PDZD8: variants seen among roughly 807,000 people sequenced by gnomAD.
PDZD8 encodes the protein PDZ domain containing 8, also known as PDZ domain-containing protein 8.
In PDZD8, 14 loss-of-function variants were observed where a neutral mutation model predicts 85.8. That is an observed-to-expected ratio of 0.16 (90% CI 0.11 to 0.26). The LOEUF (loss-of-function observed/expected upper bound fraction) is 0.26, where lower values mean the gene tolerates loss of function less well. Among genes scored for constraint, PDZD8 ranks in the 10% least tolerant of loss-of-function variants. The pLI, the probability that PDZD8 is intolerant of heterozygous loss-of-function variation, is 1.00. For synonymous variants in PDZD8, 592 were observed against 568.6 expected, an observed-to-expected ratio of 1.04 and a Z score of -0.59; for missense variants, 1,197 against 1,424.3, an observed-to-expected ratio of 0.84 and a Z score of 2.57.
intron 3 of PDZD8, among the ~76,000 whole-genome samples, chr10:117,316,968 C>A (rs973172833): frequency 5.3e-5 from 8 of 152,088 alleles, no homozygotes; most frequent in Admixed American, 2.0e-4. Flanking sequence ...TAGACCACAC[C>A]CTTTTTCTTG....
intron 3 of PDZD8, among the ~76,000 whole-genome samples, chr10:117,311,635 C>T (rs1490168452): frequency 6.6e-6 from 1 of 151,916 alleles, no homozygotes; most frequent in East Asian, 1.9e-4. Flanking sequence ...GAAAGGTTTC[C>T]AGAGGAAATG....
chr10:117,302,125 T>C (rs548752852), intron 3 of PDZD8, among the ~76,000 whole-genome samples: 16 of 152,298 alleles, frequency 1.1e-4, no homozygotes, highest in Admixed American at 7.2e-4. Flanking sequence ...CTGGTATCAA[T>C]CTAATTTACT....
intron 2 of PDZD8, among the ~76,000 whole-genome samples, chr10:117,333,451 A>C (rs1056811576): frequency 8.5e-5 from 13 of 152,230 alleles, no homozygotes; most frequent in African/African-American, 3.1e-4. Context: ...ATTAAAATAA[A>C]GGCAGGTAAT....
At chr10:117,286,913 C>T (rs868244370) in intron 4 of PDZD8, among the ~76,000 whole-genome samples, 2 of 152,188 alleles carry the variant, frequency 1.3e-5, no homozygotes, top group East Asian at 3.9e-4. Flanking sequence ...TTCAGGGCTG[C>T]TTAGCATTCT....
chr10:117,321,400 T>C (rs1844223272), intron 2 of PDZD8, among the ~76,000 whole-genome samples: 1 of 152,158 alleles, frequency 6.6e-6, no homozygotes, highest in Admixed American at 6.5e-5. Flanking sequence ...AAAGACTACA[T>C]ATTGTATGAT....
chr10:117,322,947 T>C (rs994517148), intron 2 of PDZD8, among the ~76,000 whole-genome samples: 1 of 152,208 alleles, frequency 6.6e-6, no homozygotes, highest in African/African-American at 2.4e-5. Context: ...ATCTTGGCTC[T>C]GGGAGACCCA....
At chr10:117,320,521 C>CT (rs1181050695) in intron 2 of PDZD8, among the ~76,000 whole-genome samples, 1 of 151,932 alleles carries the variant, frequency 6.6e-6, no homozygotes, top group Non-Finnish European at 1.5e-5. Flanking sequence ...CAAAAATTAA[C>CT]TCAAAAGTTT....
Position 117,291,447 on chromosome 10 carries a change from T to C in PDZD8, c.1099-1099A>G, listed in dbSNP as rs1844762375. Among the ~76,000 whole-genome samples, 4 of 150,942 alleles carry C rather than the reference T, an allele frequency of 2.7e-5. No individual in the cohort carries two copies. In the South Asian group the frequency reaches 8.3e-4, roughly 31 times the overall value. On this transcript the variant is annotated intron_variant, in intron 3 of 4. Coordinates refer to ENST00000334464, the MANE Select transcript of PDZD8 (RefSeq NM_173791.5). Reference sequence around the variant, plus strand: ...GGGAGCCTGAGGCAGGAGAATGGCATGAACCCGGGAGGCAGAGGTTGAAGT... The same window carrying C: ...GGGAGCCTGAGGCAGGAGAATGGCACGAACCCGGGAGGCAGAGGTTGAAGT...
At chr10:117,348,553 G>A (rs919278652) in intron 1 of PDZD8, among the ~76,000 whole-genome samples, 3 of 152,194 alleles carry the variant, frequency 2.0e-5, no homozygotes, top group Non-Finnish European at 4.4e-5. Context: ...GGGTTTTGGT[G>A]AGGCCTTTCT....
chr10:117,299,813 G>A (rs913783565), intron 3 of PDZD8, among the ~76,000 whole-genome samples: 1 of 151,870 alleles, frequency 6.6e-6, no homozygotes, highest in Non-Finnish European at 1.5e-5. Context: ...TCTTTATCTG[G>A]AATTCAGAGA....
intron 2 of PDZD8, among the ~76,000 whole-genome samples, chr10:117,337,194 G>C (rs2133840338): frequency 6.6e-6 from 1 of 151,848 alleles, no homozygotes; most frequent in South Asian, 2.1e-4. Context: ...TATATCTTCT[G>C]CTTAAGTATA....
chr10:117,367,237 C>T lies in PDZD8; in HGVS notation c.872+7119G>A, dbSNP rs184904071. On this transcript the variant is annotated intron_variant, in intron 1 of 4. Coordinates refer to ENST00000334464, the MANE Select transcript of PDZD8 (RefSeq NM_173791.5). ...ACCAGCCTGGCCAACATGGTGAAAC[C>T]CTGTCTGTACTAAATATGTGAAAAT... Among the ~76,000 whole-genome samples the T allele has an allele frequency of 1.5e-3, 221 of 152,112 alleles. 3 individuals carry two copies. The highest frequency in any genetic ancestry group is 0.013 in the Admixed American group (197 of 15,288).
At chr10:117,338,438 T>C (rs1469123895) in intron 2 of PDZD8, among the ~76,000 whole-genome samples, 79 of 152,174 alleles carry the variant, frequency 5.2e-4, no homozygotes, top group Admixed American at 5.2e-3. Context: ...ACTTCAGATA[T>C]TAAAAAAACT....
rs1293396664 is a variant in PDZD8, at chr10:117,336,757, A to G, written c.995+4223T>C. On this transcript the variant is annotated intron_variant, in intron 2 of 4. Transcript: ENST00000334464. Reference sequence around the variant, plus strand: ...AAATAATTAAGGACAGTAAAGAATTATAACCATTGAGAAAAATAAAAATTC... The same window carrying G: ...AAATAATTAAGGACAGTAAAGAATTGTAACCATTGAGAAAAATAAAAATTC... Among the ~76,000 whole-genome samples the G allele has an allele frequency of 2.6e-5, 4 of 152,312 alleles. No homozygotes were observed. The East Asian group carries it at 7.7e-4, about 29-fold the overall frequency.
Position 117,375,144 on chromosome 10 carries a change from GC to G in PDZD8, c.83del (p.Arg28ProfsTer29). On this transcript the variant is annotated frameshift_variant, in exon 1 of 5. Transcript: ENST00000334464. LOFTEE classifies it high-confidence loss of function. ...CGTCCGCCGGCGGCTCGGGCTGTCT[GC>G]GGTACAGCAGGAAGAACTGGGCGAG... ...TLLAQFFLLY[R>X]RQPEPPADEA... 1 of 1,590,034 alleles carries G rather than the reference GC, an allele frequency of 6.3e-7. No homozygotes were observed. The highest frequency in any genetic ancestry group is 8.5e-7 in the Non-Finnish European group (1 of 1,174,422).
In PDZD8 at chr10:117,328,081, GA is replaced by G. The variant is rs200554765; in HGVS notation, c.996-9108del. Among the ~76,000 whole-genome samples the G allele has an allele frequency of 1.1e-3, 167 of 151,166 alleles. 2 individuals are homozygous for G. Among genetic ancestry groups the G allele is most frequent in the South Asian group, 6.1e-3 (29 of 4,782 alleles). Reference sequence around the variant, plus strand: ...GTTTTGCTCCAAAACTTATTTCTTGGAAAAAAAAATTATTTCTTAGGATTTA... The same window carrying G: ...GTTTTGCTCCAAAACTTATTTCTTGGAAAAAAAATTATTTCTTAGGATTTA... On this transcript the variant is annotated intron_variant, in intron 2 of 4. Transcript: ENST00000334464.
At position 117,374,709 on chromosome 10, in the gene PDZD8, C is replaced by T. The variant is rs778848183; in HGVS notation, c.519G>A (p.Glu173=). Residue 173 remains glutamate (E), a synonymous_variant, in exon 1 of 5, where the codon GAG becomes GAA. Transcript: ENST00000334464. This position sits in a 1 kb window ranked among gnomAD's most constrained non-coding sequence, Gnocchi z 7.8. ...VRPVVPSATG[E]PDGPEGEALP... ...GCGCCTCCCCTTCAGGGCCATCGGG[C>T]TCCCCGGTGGCCGAGGGCACGACTG... 3 of 1,606,184 alleles carry T rather than the reference C, an allele frequency of 1.9e-6. No homozygotes were observed. The highest frequency in any genetic ancestry group is 4.5e-5 in the East Asian group (2 of 44,568).
intron 1 of PDZD8, among the ~76,000 whole-genome samples, chr10:117,345,513 A>T (rs1844689756): frequency 6.6e-6 from 1 of 152,208 alleles, no homozygotes. Context: ...GTACTGTACT[A>T]AAATAATCCA....
At chr10:117,344,926 C>A (rs1013806670) in intron 1 of PDZD8, among the ~76,000 whole-genome samples, 1 of 152,136 alleles carries the variant, frequency 6.6e-6, no homozygotes, top group Non-Finnish European at 1.5e-5. Context: ...GGAACCCTGA[C>A]TGTCTTGCCC....
Sources: gnomAD v4.1 joint callset for allele counts (sites outside exome capture counted in the v4.1 genomes callset) on GRCh38, gnomAD v4.1.1 for gene constraint, Gnocchi (gnomAD v3.1) non-coding constraint, MANE v1.5 for transcripts, NCBI Gene and HGNC (gene_info 2026-07-23, HGNC 2026-07-21) for gene names.